BMAL2: variants seen among roughly 807,000 people sequenced by gnomAD.
BMAL2 encodes basic helix-loop-helix ARNT like 2.
At chr12:27,422,317 A>G in the BMAL2 span, 1 of 152,200 alleles carries the variant, frequency 6.6e-6, no homozygotes, top group Non-Finnish European at 1.5e-5. Flanking sequence ...ATGGTGCTAC[A>G]TCTTTCCAGA....
chr12:27,344,889 C>T, the BMAL2 span, among the ~76,000 whole-genome samples: 1 of 152,250 alleles, frequency 6.6e-6, no homozygotes, highest in Non-Finnish European at 1.5e-5. Context: ...TGGTGCCTGG[C>T]GTGTCAGGAA....
At chr12:27,367,020 T>G in the BMAL2 span, among the ~76,000 whole-genome samples, 54 of 152,310 alleles carry the variant, frequency 3.5e-4, no homozygotes, top group Middle Eastern at 3.4e-3. Flanking sequence ...AGCTCTACAT[T>G]TATGAATTTT....
At chr12:27,391,321 C>T in the BMAL2 span, among the ~76,000 whole-genome samples, 2 of 152,300 alleles carry the variant, frequency 1.3e-5, no homozygotes, top group East Asian at 3.9e-4. Context: ...CATCAATTCA[C>T]TTAGGATTAT....
chr12:27,389,022 G>A, the BMAL2 span, among the ~76,000 whole-genome samples: 1 of 152,078 alleles, frequency 6.6e-6, no homozygotes. Flanking sequence ...GTATCACCCT[G>A]CTTTGAACAT....
the BMAL2 span, among the ~76,000 whole-genome samples, chr12:27,420,048 CAAACAT>C: frequency 9.9e-5 from 15 of 151,356 alleles, no homozygotes; most frequent in African/African-American, 3.7e-4. Flanking sequence ...CACACACACA[CAAACAT>C]ACACTAAATT....
chr12:27,398,460 A>G, the BMAL2 span, among the ~76,000 whole-genome samples: 9 of 152,176 alleles, frequency 5.9e-5, no homozygotes, highest in Non-Finnish European at 2.9e-5. Context: ...AATTATTGAG[A>G]TAAGAATTTT....
chr12:27,340,662 T>C, the BMAL2 span, among the ~76,000 whole-genome samples: 1 of 152,224 alleles, frequency 6.6e-6, no homozygotes, highest in African/African-American at 2.4e-5. Flanking sequence ...GGTAGTTTGA[T>C]AGGAATAGTA....
the BMAL2 span, among the ~76,000 whole-genome samples, chr12:27,353,300 A>G: frequency 6.6e-6 from 1 of 152,220 alleles, no homozygotes; most frequent in East Asian, 1.9e-4. Flanking sequence ...GATCTTCGAC[A>G]AAGCTGACAG....
chr12:27,377,101 A>G, the BMAL2 span, among the ~76,000 whole-genome samples: 1 of 151,448 alleles, frequency 6.6e-6, no homozygotes, highest in East Asian at 1.9e-4. Context: ...ATTTTTCTAC[A>G]TCTGGCAACA....
the BMAL2 span, among the ~76,000 whole-genome samples, chr12:27,342,691 A>G: frequency 1.8e-3 from 276 of 152,336 alleles, 1 homozygote; most frequent in African/African-American, 6.4e-3. Flanking sequence ...TTGAGTTTAC[A>G]TGGCACCCAA....
At chr12:27,392,891 T>C in the BMAL2 span, among the ~76,000 whole-genome samples, 1 of 152,124 alleles carries the variant, frequency 6.6e-6, no homozygotes, top group Non-Finnish European at 1.5e-5. Flanking sequence ...CTGGTGCCCA[T>C]TATAACCTTC....
chr12:27,361,876 A>G, the BMAL2 span, among the ~76,000 whole-genome samples: 1 of 152,296 alleles, frequency 6.6e-6, no homozygotes, highest in East Asian at 1.9e-4. Context: ...CTCCCCACCC[A>G]TTAATAAAGA....
the BMAL2 span, chr12:27,380,530 T>A: frequency 1.0e-6 from 1 of 1,000,428 alleles, no homozygotes; most frequent in Middle Eastern, 2.2e-4. Flanking sequence ...GCTTTAGAGG[T>A]ATTCACTGGC....
At chr12:27,406,733 C>T in the BMAL2 span, among the ~76,000 whole-genome samples, 1 of 152,152 alleles carries the variant, frequency 6.6e-6, no homozygotes, top group African/African-American at 2.4e-5. Flanking sequence ...ATCAAATTCC[C>T]ACATAACAAT....
At chr12:27,391,620 T>C in the BMAL2 span, among the ~76,000 whole-genome samples, 20 of 152,234 alleles carry the variant, frequency 1.3e-4, no homozygotes, top group Admixed American at 1.0e-3. Flanking sequence ...CCTAAACTGC[T>C]TTCCATAGTG....
chr12:27,349,159 GTGA>G, the BMAL2 span, among the ~76,000 whole-genome samples: 1 of 152,218 alleles, frequency 6.6e-6, no homozygotes, highest in Non-Finnish European at 1.5e-5. Context: ...TGGGTTACTA[GTGA>G]GAGTAGCATG....
chr12:27,347,440 C>A, the BMAL2 span, among the ~76,000 whole-genome samples: 17 of 152,216 alleles, frequency 1.1e-4, 1 homozygote, highest in Non-Finnish European at 1.3e-4. Flanking sequence ...TTTTTGAGTT[C>A]CATGAAGGAT....
the BMAL2 span, among the ~76,000 whole-genome samples, chr12:27,413,001 A>G: frequency 6.9e-6 from 1 of 144,012 alleles, no homozygotes; most frequent in Non-Finnish European, 1.5e-5. Context: ...TGCTGCAAGG[A>G]AAAAAAAAAA....
the BMAL2 span, among the ~76,000 whole-genome samples, chr12:27,344,762 A>G: frequency 2.0e-5 from 3 of 152,260 alleles, no homozygotes; most frequent in Non-Finnish European, 4.4e-5. Flanking sequence ...ATTGTAGTGT[A>G]GCCAAGATGA....
Sources: allele counts gnomAD v4.1 joint callset (sites outside exome capture counted in the v4.1 genomes callset), GRCh38; gene constraint gnomAD v4.1.1; transcripts MANE v1.5; gene names NCBI Gene and HGNC (gene_info 2026-07-23, HGNC 2026-07-21).